The following MAML2 variants were observed in gnomAD, a reference collection of about 807,000 sequenced individuals.
MAML2 encodes the protein mastermind like transcriptional coactivator 2, also known as mastermind-like protein 2.
A neutral mutation model predicts 96.1 loss-of-function variants in MAML2; 22 were observed. The observed-to-expected ratio is 0.23, with a 90% CI of 0.16 to 0.33. The LOEUF (loss-of-function observed/expected upper bound fraction) is 0.33, where lower values mean the gene tolerates loss of function less well. MAML2 is among the 10% of genes least tolerant of loss of function. MAML2 has a pLI of 1.00. For missense variants in MAML2, 1,367 were observed against 1,392.4 expected (o/e 0.98, Z 0.29); for synonymous variants, 561 against 521.3 (o/e 1.08, Z -1.04).
In MAML2 at chr11:95,978,885, A is replaced by C; in HGVS notation, c.*63T>G. 10 of 1,421,942 alleles carry C rather than the reference A, an allele frequency of 7.0e-6. No individual in the cohort carries two copies. The highest frequency in any genetic ancestry group is 9.4e-6 in the Non-Finnish European group (10 of 1,061,024). The allele number at this position is 1,421,942 out of a possible 1,614,324, so 88.1% of individuals were successfully genotyped here. A position where few individuals can be genotyped will look rare whatever the true frequency, so the allele number is the denominator to read the frequency against. The stretch of plus-strand genomic sequence containing the variant: ...TGAACATCAACAGTTCAGCCTCTAC[A>C]GAGTTTCTGTAATATACTGCCTTTT... On this transcript the variant is annotated 3_prime_UTR_variant, in exon 5 of 5. Coordinates refer to ENST00000524717, the MANE Select transcript of MAML2 (RefSeq NM_032427.4).
chr11:96,268,147 T>C (rs368560718), intron 1 of MAML2, among the ~76,000 whole-genome samples: 1 of 152,204 alleles, frequency 6.6e-6, no homozygotes. Context: ...TAACTTTGTA[T>C]TTCCCTTTCT....
intron 1 of MAML2, among the ~76,000 whole-genome samples, chr11:96,311,153 A>G (rs1863537289): frequency 6.6e-6 from 1 of 152,208 alleles, no homozygotes; most frequent in Admixed American, 6.5e-5. Context: ...TTAGACTCAA[A>G]TCTAGGTCCA....
intron 1 of MAML2, among the ~76,000 whole-genome samples, chr11:96,199,892 AT>A (rs1861793163): frequency 6.6e-6 from 1 of 152,194 alleles, no homozygotes; most frequent in South Asian, 2.1e-4. Context: ...GTCCCTCTAT[AT>A]TTTATCAATT....
intron 1 of MAML2, among the ~76,000 whole-genome samples, chr11:96,269,497 T>C (rs1317049723): frequency 6.9e-6 from 1 of 144,400 alleles, no homozygotes; most frequent in Non-Finnish European, 1.5e-5. Flanking sequence ...CTCTTTTTGC[T>C]TTATTTTTTG....
intron 2 of MAML2, among the ~76,000 whole-genome samples, chr11:96,060,841 C>T (rs189434689): frequency 2.6e-5 from 4 of 152,312 alleles, no homozygotes; most frequent in Admixed American, 2.0e-4. Flanking sequence ...AATACTGTAA[C>T]AAAGCAGTAG....
intron 1 of MAML2, among the ~76,000 whole-genome samples, chr11:96,132,679 C>G (rs1342623206): frequency 5.3e-5 from 8 of 152,206 alleles, no homozygotes; most frequent in Non-Finnish European, 7.3e-5. Flanking sequence ...TGACAACAGC[C>G]ATGACAATAT....
At chr11:96,254,362 A>T (rs957264463) in intron 1 of MAML2, among the ~76,000 whole-genome samples, 2 of 151,182 alleles carry the variant, frequency 1.3e-5, no homozygotes, top group Non-Finnish European at 3.0e-5. Flanking sequence ...CTCAGGGGCG[A>T]GTGGGAGTGC....
chr11:96,092,894 A>G lies in MAML2; in HGVS notation c.1137T>C (p.Ser379=), dbSNP rs764174694. The G allele has an allele frequency of 6.2e-7, 1 of 1,605,482 alleles. No homozygotes were observed. Among genetic ancestry groups the G allele is most frequent in the East Asian group, 2.2e-5 (1 of 44,762 alleles). ...CAGCTGATGGGGGCCTCAGCTGAGGAGAGCCTGAGGGGCCCTGAGTCAAGC... is the reference window on the plus strand; with the variant it reads ...CAGCTGATGGGGGCCTCAGCTGAGGGGAGCCTGAGGGGCCCTGAGTCAAGC... ...SPGLTQGPSG[S]PQLRPPSAGP... is the part of the protein sequence containing the mutation. The change falls in exon 2 of 5, where the codon TCT becomes TCC. Residue 379 remains serine, a synonymous_variant. Coordinates refer to ENST00000524717, the MANE Select transcript of MAML2 (RefSeq NM_032427.4). The surrounding 1 kb of genome is among the most constrained non-coding windows in gnomAD (Gnocchi z 4.1).
At chr11:96,175,794 G>T (rs939847104) in intron 1 of MAML2, among the ~76,000 whole-genome samples, 9 of 151,990 alleles carry the variant, frequency 5.9e-5, no homozygotes, top group Admixed American at 5.9e-4. Context: ...TACAGACGGG[G>T]TTTCACCATG....
chr11:96,202,938 T>G (rs1158420037), intron 1 of MAML2, among the ~76,000 whole-genome samples: 1 of 152,210 alleles, frequency 6.6e-6, no homozygotes, highest in East Asian at 1.9e-4. Flanking sequence ...TCAGATGATA[T>G]TTTTTACCTA....
chr11:96,264,280 G>A (rs532061483), intron 1 of MAML2, among the ~76,000 whole-genome samples: 10 of 152,076 alleles, frequency 6.6e-5, no homozygotes, highest in South Asian at 4.1e-4. Flanking sequence ...CCATGTGTTC[G>A]TTTTTTATAA....
At chr11:96,322,738 T>C (rs553293543) in intron 1 of MAML2, among the ~76,000 whole-genome samples, 18 of 152,202 alleles carry the variant, frequency 1.2e-4, no homozygotes, top group African/African-American at 4.3e-4. Flanking sequence ...ACAAAATAGA[T>C]AACAAAAGTC....
At chr11:96,069,057 G>A (rs1047965626) in intron 2 of MAML2, among the ~76,000 whole-genome samples, 1 of 151,606 alleles carries the variant, frequency 6.6e-6, no homozygotes, top group Non-Finnish European at 1.5e-5. Context: ...GAGTAGCTAG[G>A]ACTACAGGCT....
chr11:96,143,151 G>T (rs1199208235), intron 1 of MAML2, among the ~76,000 whole-genome samples: 1 of 152,188 alleles, frequency 6.6e-6, no homozygotes, highest in Non-Finnish European at 1.5e-5. Context: ...CAACACAGCA[G>T]GGTGTGTGTT....
At chr11:96,177,172 A>G (rs191162850) in intron 1 of MAML2, among the ~76,000 whole-genome samples, 2 of 152,350 alleles carry the variant, frequency 1.3e-5, no homozygotes, top group East Asian at 3.9e-4. Context: ...ATAAAAGTGA[A>G]GTCACCCCCA....
chr11:96,266,169 C>T (rs897797188), intron 1 of MAML2, among the ~76,000 whole-genome samples: 3 of 152,236 alleles, frequency 2.0e-5, no homozygotes, highest in Non-Finnish European at 2.9e-5. Context: ...ACTGAAGAAA[C>T]GAGCCACTTC....
At chr11:96,199,353 C>T (rs1565246094) in intron 1 of MAML2, among the ~76,000 whole-genome samples, 1 of 152,054 alleles carries the variant, frequency 6.6e-6, no homozygotes. Context: ...AGAGACGGAA[C>T]GTGGATCCCT....
intron 4 of MAML2, among the ~76,000 whole-genome samples, chr11:95,982,332 C>A (rs765797593): frequency 6.7e-6 from 1 of 148,684 alleles, no homozygotes. Flanking sequence ...AGAAACAGAG[C>A]CTTCTTTAGA....
At chr11:96,315,629 T>C (rs1354764548) in intron 1 of MAML2, among the ~76,000 whole-genome samples, 1 of 152,218 alleles carries the variant, frequency 6.6e-6, no homozygotes, top group Non-Finnish European at 1.5e-5. Context: ...TATCTTCATA[T>C]AGCATTCACT....
Sources: gnomAD v4.1 joint callset for allele counts (sites outside exome capture counted in the v4.1 genomes callset) on GRCh38, gnomAD v4.1.1 for gene constraint, Gnocchi (gnomAD v3.1) non-coding constraint, MANE v1.5 for transcripts, NCBI Gene and HGNC (gene_info 2026-07-23, HGNC 2026-07-21) for gene names.